The following PGCKA1 variants were observed in gnomAD, a reference collection of about 807,000 sequenced individuals.
PGCKA1 encodes the protein PDCD10 and GCKIII kinases associated 1, also known as PDCD10 and GCKIII kinases-associated protein 1.
the PGCKA1 span, among the ~76,000 whole-genome samples, chr4:37,469,840 G>A: frequency 6.6e-6 from 1 of 152,184 alleles, no homozygotes; most frequent in Non-Finnish European, 1.5e-5. Context: ...AAACTCAAAG[G>A]TTGATGTTCT....
the PGCKA1 span, among the ~76,000 whole-genome samples, chr4:37,572,069 T>TTTTC: frequency 3.6e-5 from 4 of 111,716 alleles, no homozygotes; most frequent in African/African-American, 1.5e-4. Context: ...TTTTCTTTTT[T>TTTTC]TTTTTTTTTT....
the PGCKA1 span, among the ~76,000 whole-genome samples, chr4:37,523,384 G>C: frequency 1.3e-5 from 2 of 150,432 alleles, no homozygotes; most frequent in African/African-American, 2.4e-5. Flanking sequence ...TGGTGATTCA[G>C]GACTTTTTTT....
chr4:37,541,724 T>C, the PGCKA1 span, among the ~76,000 whole-genome samples: 1 of 152,192 alleles, frequency 6.6e-6, no homozygotes, highest in Non-Finnish European at 1.5e-5. Flanking sequence ...GTGGAGCCGA[T>C]TCAAATTCAG....
the PGCKA1 span, among the ~76,000 whole-genome samples, chr4:37,529,740 T>C: frequency 7.2e-5 from 11 of 152,314 alleles, no homozygotes; most frequent in South Asian, 4.1e-4. Context: ...ATCGGTGTTT[T>C]CGTCTGTAGC....
the PGCKA1 span, among the ~76,000 whole-genome samples, chr4:37,462,606 T>G: frequency 6.6e-6 from 1 of 152,224 alleles, no homozygotes; most frequent in Non-Finnish European, 1.5e-5. Flanking sequence ...TGAATCCATA[T>G]GTTGATCCCA....
At chr4:37,561,325 T>C in the PGCKA1 span, among the ~76,000 whole-genome samples, 1 of 151,688 alleles carries the variant, frequency 6.6e-6, no homozygotes, top group Non-Finnish European at 1.5e-5. Flanking sequence ...CCCTCATGAG[T>C]TGAATAGTTG....
At chr4:37,518,700 A>G in the PGCKA1 span, among the ~76,000 whole-genome samples, 2 of 151,932 alleles carry the variant, frequency 1.3e-5, no homozygotes, top group Non-Finnish European at 2.9e-5. Flanking sequence ...GTTTGCAAAT[A>G]TTTTCTCCCA....
the PGCKA1 span, among the ~76,000 whole-genome samples, chr4:37,495,114 C>G: frequency 6.6e-6 from 1 of 151,442 alleles, no homozygotes; most frequent in Admixed American, 6.6e-5. Flanking sequence ...ATGCGGCCAA[C>G]AAACATATGA....
chr4:37,495,457 C>T, the PGCKA1 span, among the ~76,000 whole-genome samples: 132 of 152,122 alleles, frequency 8.7e-4, no homozygotes, highest in Non-Finnish European at 1.5e-3. Context: ...GACTTGGAAC[C>T]AACCCAAATG....
At chr4:37,482,769 G>A in the PGCKA1 span, among the ~76,000 whole-genome samples, 1 of 152,150 alleles carries the variant, frequency 6.6e-6, no homozygotes, top group African/African-American at 2.4e-5. Flanking sequence ...GCTGGACCTG[G>A]GCCCAGGCTC....
the PGCKA1 span, among the ~76,000 whole-genome samples, chr4:37,468,659 AT>A: frequency 6.6e-6 from 1 of 151,990 alleles, no homozygotes; most frequent in African/African-American, 2.4e-5. Context: ...TGTTTTATTA[AT>A]TTATTTCAAC....
chr4:37,509,451 G>A, the PGCKA1 span, among the ~76,000 whole-genome samples: 3 of 143,478 alleles, frequency 2.1e-5, no homozygotes, highest in Non-Finnish European at 4.6e-5. Context: ...GGGCGGCTGG[G>A]CAGAGACGCT....
chr4:37,554,017 T>C, the PGCKA1 span, among the ~76,000 whole-genome samples: 1 of 152,214 alleles, frequency 6.6e-6, no homozygotes, highest in Non-Finnish European at 1.5e-5. Flanking sequence ...CATCTTGAAT[T>C]GTAGCTACCA....
chr4:37,484,717 T>C, the PGCKA1 span, among the ~76,000 whole-genome samples: 5 of 152,334 alleles, frequency 3.3e-5, no homozygotes, highest in African/African-American at 1.2e-4. Context: ...AAAAATGGCC[T>C]CATAAAAGAG....
the PGCKA1 span, among the ~76,000 whole-genome samples, chr4:37,465,626 G>A: frequency 6.6e-6 from 1 of 152,088 alleles, no homozygotes; most frequent in African/African-American, 2.4e-5. Flanking sequence ...ACCAACCTCA[G>A]CTAACCTGGT....
chr4:37,528,964 A>G, the PGCKA1 span, among the ~76,000 whole-genome samples: 2 of 152,232 alleles, frequency 1.3e-5, no homozygotes, highest in Non-Finnish European at 2.9e-5. Flanking sequence ...CTATTACTTC[A>G]GAAAATTCAA....
At chr4:37,572,224 G>C in the PGCKA1 span, among the ~76,000 whole-genome samples, 44 of 151,304 alleles carry the variant, frequency 2.9e-4, no homozygotes, top group African/African-American at 1.1e-3. Flanking sequence ...CACTACGCCC[G>C]GCTAATTTTT....
the PGCKA1 span, among the ~76,000 whole-genome samples, chr4:37,482,235 G>A: frequency 2.8e-4 from 43 of 152,364 alleles, no homozygotes; most frequent in Non-Finnish European, 5.3e-4. Flanking sequence ...GGAACAGTTT[G>A]GAGGGCTCAG....
At chr4:37,580,321 T>TTTTTG in the PGCKA1 span, among the ~76,000 whole-genome samples, 1 of 151,044 alleles carries the variant, frequency 6.6e-6, no homozygotes, top group African/African-American at 2.4e-5. Flanking sequence ...TTTTTTTTTT[T>TTTTTG]GGATGGTCTT....
Sources: gnomAD v4.1 joint callset for allele counts (sites outside exome capture counted in the v4.1 genomes callset) on GRCh38, gnomAD v4.1.1 for gene constraint, MANE v1.5 for transcripts, NCBI Gene and HGNC (gene_info 2026-07-23, HGNC 2026-07-21) for gene names.